SYNE1: variants seen among roughly 807,000 people sequenced by gnomAD.
SYNE1 encodes nesprin-1.
In SYNE1, 616 loss-of-function variants were observed where a neutral mutation model predicts 1,111.0. The observed-to-expected ratio is 0.55, with a 90% CI of 0.52 to 0.59. SYNE1 has a LOEUF of 0.59. Among genes scored for constraint, SYNE1 ranks in the 20% least tolerant of loss-of-function variants. The pLI is 0.00. For missense variants in SYNE1, 10,006 were observed against 10,417.0 expected, an observed-to-expected ratio of 0.96 and a Z score of 1.72; for synonymous variants, 3,855 against 3,825.8, an observed-to-expected ratio of 1.01 and a Z score of -0.28.
At chr6:152,382,621 A>G (rs1436982801) in intron 55 of SYNE1, among the ~76,000 whole-genome samples, 1 of 152,218 alleles carries the variant, frequency 6.6e-6, no homozygotes, top group Non-Finnish European at 1.5e-5. Context: ...TCTAAAAACC[A>G]TCACTGTTTA....
chr6:152,339,285 A>G lies in SYNE1; in HGVS notation c.12307T>C (p.Ser4103Pro). Residue 4103 changes from serine (S) to proline (P), a missense_variant, in exon 75 of 146, where the codon TCG (serine) becomes CCG (proline). Coordinates refer to ENST00000367255, the MANE Select transcript of SYNE1 (RefSeq NM_182961.4). ...LCSMCDLSNA[S>P]VKTTAKDIQQ... ...ATGTCTTTTGCTGTGGTTTTCACCG[A>G]AGCATTTGACAGGTCACACATGGAG... is the stretch of plus-strand genomic sequence containing the variant. 1 of 1,614,058 alleles carries G rather than the reference A, an allele frequency of 6.2e-7. No homozygotes were observed. Among genetic ancestry groups the G allele is most frequent in the Non-Finnish European group, 8.5e-7 (1 of 1,179,910 alleles).
At chr6:152,363,461 TGG>T (rs1317946685) in intron 63 of SYNE1, among the ~76,000 whole-genome samples, 2 of 150,860 alleles carry the variant, frequency 1.3e-5, no homozygotes, top group Non-Finnish European at 3.0e-5. Context: ...GCCACTGCAC[TGG>T]AGCCTGGGCG....
At chr6:152,277,052 G>A (rs781219720) in intron 98 of SYNE1, among the ~76,000 whole-genome samples, 35 of 150,742 alleles carry the variant, frequency 2.3e-4, no homozygotes, top group Non-Finnish European at 3.8e-4. Flanking sequence ...CACTATGCCC[G>A]GCTAATTTTT....
intron 87 of SYNE1, among the ~76,000 whole-genome samples, chr6:152,315,043 T>C (rs1330976063): frequency 6.6e-6 from 1 of 150,436 alleles, no homozygotes; most frequent in Non-Finnish European, 1.5e-5. Context: ...TATATTTTAT[T>C]ATATGCAAAT....
intron 53 of SYNE1, among the ~76,000 whole-genome samples, chr6:152,388,291 G>A (rs1030868718): frequency 1.3e-5 from 2 of 151,844 alleles, no homozygotes; most frequent in African/African-American, 2.4e-5. Flanking sequence ...TGTCACCAAG[G>A]CTGTAGTGCT....
At chr6:152,158,575 T>C (rs2061816412) in intron 131 of SYNE1, among the ~76,000 whole-genome samples, 1 of 152,180 alleles carries the variant, frequency 6.6e-6, no homozygotes, top group South Asian at 2.1e-4. Context: ...CTTTCAAATC[T>C]CTGACATAAC....
chr6:152,249,255 A>T lies in SYNE1; in HGVS notation c.19478T>A (p.Leu6493Gln), dbSNP rs1370213567. The change falls in exon 105 of 146, where the codon CTG becomes CAG. Residue 6493 changes from leucine (L) to glutamine (Q), a missense_variant. Leu to Gln is a moderately radical substitution (Grantham distance 113). This residue lies in a region of SYNE1 where 2,182 missense variants were observed against 2,287.8 expected (regional missense o/e 0.95). Transcript: ENST00000367255. ...LQQILNFQND[L>Q]KVLFTSLADN... ...AGCCAGTGATGTAAACAGCACTTTC[A>T]GATCATTCTAAGGAGGAAAGCAACG... 3.1e-6 allele frequency: 5 copies of T among 1,607,556 alleles called. 1 individual carries two copies. Among genetic ancestry groups the T allele is most frequent in the Non-Finnish European group, 4.3e-6 (5 of 1,174,084 alleles).
rs1442099380 is a variant in SYNE1, at chr6:152,354,678, A to G, written c.10907T>C (p.Ile3636Thr). The change falls in exon 67 of 146, where the codon ATA becomes ACA. Residue 3636 changes from isoleucine (I) to threonine (T), a missense_variant. This residue lies in a region of SYNE1 where 4,955 missense variants were observed against 5,017.2 expected (regional missense o/e 0.99). Coordinates refer to ENST00000367255, the MANE Select transcript of SYNE1 (RefSeq NM_182961.4). ...TTGTACCTTCATCTGATGTAATTGT[A>G]TCTCCTTGGTTGCCCTGTTAGACTG... ...RRQSNRATKE[I>T]QLHQMKKWHE... 2 of 1,614,210 alleles carry G rather than the reference A, an allele frequency of 1.2e-6. No homozygotes were observed. Among genetic ancestry groups the G allele is most frequent in the Admixed American group, 1.7e-5 (1 of 60,032 alleles).
intron 55 of SYNE1, among the ~76,000 whole-genome samples, chr6:152,382,036 T>C (rs77804579): frequency 0.038 from 5,754 of 152,292 alleles, 353 homozygotes; most frequent in African/African-American, 0.13. Context: ...AGTTTAGCTA[T>C]AGCCAAGTTA....
chr6:152,164,212 T>C lies in SYNE1; in HGVS notation c.23741A>G (p.Tyr7914Cys), dbSNP rs1004692952. 4 of 1,614,196 alleles carry C rather than the reference T, an allele frequency of 2.5e-6. No individual in the cohort carries two copies. In the South Asian group the frequency reaches 4.4e-5, roughly 18 times the overall value. The part of the protein sequence containing the change: ...IESELAKPIV[Y>C]DSCNSEEIQR... Reference sequence around the variant, plus strand: ...TATTTCTTCCGAGTTACAGGAATCGTAGACTATTGGCTTGGCCAGCTCTGA... The same window carrying C: ...TATTTCTTCCGAGTTACAGGAATCGCAGACTATTGGCTTGGCCAGCTCTGA... Residue 7914 changes from tyrosine (Y) to cysteine (C), a missense_variant, in exon 131 of 146, where the codon TAC (tyrosine) becomes TGC (cysteine). Around this residue, in one of 7 missense-constraint regions of SYNE1, gnomAD observed 2,182 missense variants for 2,287.8 expected, o/e 0.95. Coordinates refer to ENST00000367255, the MANE Select transcript of SYNE1 (RefSeq NM_182961.4).
intron 145 of SYNE1, among the ~76,000 whole-genome samples, chr6:152,123,947 A>G (rs1005864148): frequency 2.0e-5 from 3 of 152,226 alleles, no homozygotes; most frequent in Non-Finnish European, 4.4e-5. Flanking sequence ...GACACCTAAG[A>G]AAATAAATGT....
intron 29 of SYNE1, among the ~76,000 whole-genome samples, chr6:152,447,112 G>T (rs2098599541): frequency 6.6e-6 from 1 of 152,020 alleles, no homozygotes; most frequent in South Asian, 2.1e-4. Flanking sequence ...CTCTAATCCT[G>T]GATTTCTTTG....
intron 91 of SYNE1, 112 bp from the exon 92 acceptor site, chr6:152,302,175 C>A: frequency 6.9e-7 from 1 of 1,447,980 alleles, no homozygotes; most frequent in Non-Finnish European, 9.6e-7. Context: ...GCCGCGCGGG[C>A]CCGGGAGGCA....
chr6:152,600,799 TAA>T (rs957430796), intron 3 of SYNE1, among the ~76,000 whole-genome samples: 1 of 152,142 alleles, frequency 6.6e-6, no homozygotes, highest in Non-Finnish European at 1.5e-5. Flanking sequence ...TTATAAAGAA[TAA>T]AAGAGATACA....
At chr6:152,172,385 C>G (rs2763034) in intron 130 of SYNE1, among the ~76,000 whole-genome samples, 35,924 of 152,020 alleles carry the variant, frequency 0.24, 4,679 homozygotes, top group African/African-American at 0.34. Context: ...AAAAAGATAA[C>G]AGCCAAATAA....
chr6:152,380,041 C>G (rs1407166037), intron 56 of SYNE1, among the ~76,000 whole-genome samples: 1 of 152,096 alleles, frequency 6.6e-6, no homozygotes, highest in Non-Finnish European at 1.5e-5. Flanking sequence ...GTACATAAAT[C>G]TAAAGGACAG....
chr6:152,568,080 A>T (rs1466037669), intron 3 of SYNE1, among the ~76,000 whole-genome samples: 2 of 152,074 alleles, frequency 1.3e-5, no homozygotes, highest in Non-Finnish European at 2.9e-5. Flanking sequence ...TTAGGGAATT[A>T]AAATAAACTA....
chr6:152,461,873 TC>T, intron 20 of SYNE1, 133 bp from the exon 21 acceptor site: 1 of 1,168,638 alleles, frequency 8.6e-7, no homozygotes, highest in Non-Finnish European at 1.2e-6. Flanking sequence ...TTTCGACGAT[TC>T]CAGTTTTTGC....
At chr6:152,437,539 TA>T (rs1214994180) in intron 32 of SYNE1, among the ~76,000 whole-genome samples, 1 of 152,192 alleles carries the variant, frequency 6.6e-6, no homozygotes, top group Non-Finnish European at 1.5e-5. Flanking sequence ...TTATTTTAAA[TA>T]TTTTAAAATA....
Sources: gnomAD v4.1 joint callset for allele counts (sites outside exome capture counted in the v4.1 genomes callset) on GRCh38, gnomAD v4.1.1 for gene constraint, gnomAD v4.1.1 regional missense constraint, MANE v1.5 for transcripts, NCBI Gene and HGNC (gene_info 2026-07-23, HGNC 2026-07-21) for gene names.